Variants in LRP1B observed in about 807,000 individuals in gnomAD.
LRP1B encodes LDL receptor related protein 1B.
In LRP1B, 217 loss-of-function variants were observed where a neutral mutation model predicts 556.6. The observed-to-expected ratio is 0.39, with a 90% CI of 0.35 to 0.44. The LOEUF (loss-of-function observed/expected upper bound fraction) is 0.44, where lower values mean the gene tolerates loss of function less well. Among genes scored for constraint, LRP1B ranks in the 20% least tolerant of loss-of-function variants. The pLI is 1.00. For missense variants in LRP1B, 5,053 were observed against 5,620.8 expected, an observed-to-expected ratio of 0.90 and a Z score of 3.23; for synonymous variants, 2,047 against 1,865.8, an observed-to-expected ratio of 1.10 and a Z score of -2.50.
chr2:141,005,488 G>C (rs765200727), intron 14 of LRP1B, 31 bp from the exon 15 acceptor site: 3 of 1,604,922 alleles, frequency 1.9e-6, no homozygotes, highest in South Asian at 2.2e-5. Flanking sequence ...ATGTGTCAGA[G>C]AACTCTGATT....
intron 2 of LRP1B, among the ~76,000 whole-genome samples, chr2:141,574,154 T>G (rs750241809): frequency 3.5e-4 from 53 of 152,118 alleles, no homozygotes; most frequent in South Asian, 1.0e-3. Flanking sequence ...AAAGAGAACT[T>G]CAGGCCAATA....
intron 6 of LRP1B, among the ~76,000 whole-genome samples, chr2:141,197,387 T>C (rs1032500403): frequency 2.0e-5 from 3 of 152,112 alleles, no homozygotes; most frequent in African/African-American, 4.8e-5. Context: ...AGCAGGAAAA[T>C]ATGAAATCTT....
chr2:140,623,952 T>TTATATATATATATA (rs1166087353), intron 41 of LRP1B, among the ~76,000 whole-genome samples: 11 of 15,286 alleles, frequency 7.2e-4, no homozygotes, highest in African/African-American at 1.8e-3. Flanking sequence ...TATATTTTAT[T>TTATATATATATATA]TATGTATATA....
intron 64 of LRP1B, 45 bp from the exon 65 acceptor site, chr2:140,444,494 T>G (rs1029004843): frequency 6.2e-7 from 1 of 1,612,972 alleles, no homozygotes; most frequent in Non-Finnish European, 8.5e-7. Context: ...GTGTCTGAAT[T>G]AAAATCACAC....
At chr2:141,150,110 T>A (rs1701884484) in intron 7 of LRP1B, among the ~76,000 whole-genome samples, 1 of 152,080 alleles carries the variant, frequency 6.6e-6, no homozygotes, top group South Asian at 2.1e-4. Context: ...GTCACCCAGG[T>A]CCACTGAACA....
chr2:140,607,251 C>T (rs114393399), intron 41 of LRP1B, among the ~76,000 whole-genome samples: 11 of 152,116 alleles, frequency 7.2e-5, no homozygotes, highest in African/African-American at 1.4e-4. Context: ...TTCATTATGA[C>T]GACTGCAACA....
At chr2:141,689,626 T>C (rs987931901) in intron 2 of LRP1B, among the ~76,000 whole-genome samples, 14 of 151,812 alleles carry the variant, frequency 9.2e-5, no homozygotes, top group African/African-American at 3.4e-4. Flanking sequence ...AAGCCAAATT[T>C]AATCTGAGAT....
At chr2:141,462,482 AG>A (rs1325054194) in intron 3 of LRP1B, among the ~76,000 whole-genome samples, 1 of 140,908 alleles carries the variant, frequency 7.1e-6, no homozygotes, top group Admixed American at 7.2e-5. Flanking sequence ...ATCACACACC[AG>A]GGCCTGTTGG....
chr2:141,383,282 A>G (rs1689708216), intron 3 of LRP1B, among the ~76,000 whole-genome samples: 1 of 152,226 alleles, frequency 6.6e-6, no homozygotes, highest in Non-Finnish European at 1.5e-5. Context: ...TGGCACAACT[A>G]TAATGGAAAA....
chr2:141,314,887 C>CAT (rs1686958710), intron 3 of LRP1B, among the ~76,000 whole-genome samples: 1 of 134,288 alleles, frequency 7.4e-6, no homozygotes, highest in Non-Finnish European at 1.6e-5. Context: ...TACATATATA[C>CAT]ATATATACAT....
chr2:140,554,503 T>C (rs1680656505), intron 43 of LRP1B, among the ~76,000 whole-genome samples: 1 of 152,112 alleles, frequency 6.6e-6, no homozygotes, highest in Admixed American at 6.6e-5. Flanking sequence ...CACATTCATT[T>C]TGACAGTCAA....
intron 2 of LRP1B, among the ~76,000 whole-genome samples, chr2:141,604,914 G>A (rs772128651): frequency 9.2e-5 from 14 of 152,016 alleles, no homozygotes; most frequent in African/African-American, 2.9e-4. Flanking sequence ...CCTGGAACAC[G>A]GGTACAAGCT....
intron 7 of LRP1B, among the ~76,000 whole-genome samples, chr2:141,107,732 T>C (rs1258275636): frequency 6.6e-6 from 1 of 152,156 alleles, no homozygotes; most frequent in Non-Finnish European, 1.5e-5. Flanking sequence ...AAAATATACA[T>C]TTTATGTGAT....
intron 25 of LRP1B, among the ~76,000 whole-genome samples, chr2:140,881,118 A>G (rs1410122703): frequency 6.6e-6 from 1 of 152,130 alleles, no homozygotes; most frequent in East Asian, 1.9e-4. Context: ...GCTTCCTTAT[A>G]TATTTTATTA....
At chr2:141,705,049 C>A (rs1260456602) in intron 2 of LRP1B, among the ~76,000 whole-genome samples, 3 of 151,938 alleles carry the variant, frequency 2.0e-5, no homozygotes, top group African/African-American at 7.2e-5. Flanking sequence ...ACGTACTAAT[C>A]TAAACTCCTT....
intron 2 of LRP1B, among the ~76,000 whole-genome samples, chr2:141,725,596 G>A (rs1692999721): frequency 6.6e-6 from 1 of 151,862 alleles, no homozygotes; most frequent in African/African-American, 2.4e-5. Context: ...TTAAAAATCA[G>A]TCTTTTGAAT....
intron 1 of LRP1B, among the ~76,000 whole-genome samples, chr2:141,991,527 A>G (rs1248176705): frequency 1.3e-5 from 2 of 152,086 alleles, no homozygotes; most frequent in African/African-American, 2.4e-5. Flanking sequence ...ACACACACAC[A>G]TAACTGCACA....
At chr2:140,639,014 G>A (rs575480663) in intron 41 of LRP1B, among the ~76,000 whole-genome samples, 1 of 151,866 alleles carries the variant, frequency 6.6e-6, no homozygotes, top group South Asian at 2.1e-4. Flanking sequence ...CTTGCCAGTT[G>A]CTTATTATTC....
chr2:140,818,459 A>AT (rs1344150687), intron 31 of LRP1B, among the ~76,000 whole-genome samples: 2 of 151,990 alleles, frequency 1.3e-5, no homozygotes, highest in East Asian at 1.9e-4. Flanking sequence ...CAAAATGAAC[A>AT]TTTTTTCAGG....
Sources: gnomAD v4.1 joint callset for allele counts (sites outside exome capture counted in the v4.1 genomes callset) on GRCh38, gnomAD v4.1.1 for gene constraint, MANE v1.5 for transcripts, NCBI Gene and HGNC (gene_info 2026-07-23, HGNC 2026-07-21) for gene names.